DLEU7: variants seen among roughly 807,000 people sequenced by gnomAD.
The protein encoded by DLEU7 is leukemia-associated protein 7.
Under a neutral mutation model 16.0 loss-of-function variants are expected in DLEU7, and 17 were observed. That is an observed-to-expected ratio of 1.06 (90% CI 0.73 to 1.59). The LOEUF is 1.59. DLEU7 is among the 40% of genes most tolerant of loss of function. The pLI is 0.00. For missense variants in DLEU7, 308 were observed against 314.9 expected (o/e 0.98, Z 0.17); for synonymous variants, 113 against 139.8 (o/e 0.81, Z 1.35).
downstream of DLEU7, among the ~76,000 whole-genome samples, chr13:50,820,754 G>A (rs558930628): frequency 6.6e-6 from 1 of 152,160 alleles, no homozygotes; most frequent in South Asian, 2.1e-4. Flanking sequence ...GAAATATAAT[G>A]CAAACCATCC....
At chr13:50,753,739 C>A (rs960427225) in intron 1 of DLEU7, among the ~76,000 whole-genome samples, 1 of 152,218 alleles carries the variant, frequency 6.6e-6, no homozygotes, top group African/African-American at 2.4e-5. Flanking sequence ...TTGACCATCC[C>A]AGAAAGGGGC....
chr13:50,716,976 C>T (rs934361016), intron 1 of DLEU7, among the ~76,000 whole-genome samples: 1 of 152,118 alleles, frequency 6.6e-6, no homozygotes, highest in South Asian at 2.1e-4. Flanking sequence ...ACACATGACG[C>T]ATTTAATTTA....
chr13:50,803,195 A>G (rs1320689045), intron 1 of DLEU7, among the ~76,000 whole-genome samples: 1 of 152,132 alleles, frequency 6.6e-6, no homozygotes, highest in African/African-American at 2.4e-5. Context: ...ATTTCCCTCA[A>G]CTAAGATTGT....
At chr13:50,769,367 C>G in intron 1 of DLEU7, among the ~76,000 whole-genome samples, 1 of 152,186 alleles carries the variant, frequency 6.6e-6, no homozygotes, top group Non-Finnish European at 1.5e-5. Context: ...TTGCCCATGG[C>G]TCTGTCCTGA....
chr13:50,713,284 T>C, intron 1 of DLEU7: 3 of 1,588,114 alleles, frequency 1.9e-6, no homozygotes, highest in Non-Finnish European at 2.6e-6. Context: ...TGCTTTGCAT[T>C]TTTTATATTC....
intron 1 of DLEU7, among the ~76,000 whole-genome samples, chr13:50,767,346 C>A (rs570226546): frequency 6.6e-6 from 1 of 150,680 alleles, no homozygotes; most frequent in African/African-American, 2.4e-5. Context: ...GTCCCAGCTA[C>A]GCGGGAGGCT....
chr13:50,717,904 A>C (rs1873485076), intron 1 of DLEU7, among the ~76,000 whole-genome samples: 1 of 152,186 alleles, frequency 6.6e-6, no homozygotes, highest in South Asian at 2.1e-4. Flanking sequence ...AAACTATCAC[A>C]TGCAGAAATC....
exon 2 of DLEU7, chr13:50,713,203 T>C: frequency 6.2e-7 from 1 of 1,610,644 alleles, no homozygotes; most frequent in African/African-American, 1.3e-5. Flanking sequence ...CTCACACTCC[T>C]ACAGTGACCT....
At chr13:50,742,598 A>G (rs1874281711) in intron 1 of DLEU7, among the ~76,000 whole-genome samples, 1 of 152,134 alleles carries the variant, frequency 6.6e-6, no homozygotes, top group East Asian at 1.9e-4. Context: ...GACTGAAGAG[A>G]AACTCTCAAC....
At chr13:50,729,643 C>A (rs184442114) in intron 1 of DLEU7, among the ~76,000 whole-genome samples, 2 of 152,286 alleles carry the variant, frequency 1.3e-5, no homozygotes, top group East Asian at 1.9e-4. Flanking sequence ...ATTTATAATA[C>A]AGTGTGTAAG....
At chr13:50,814,722 T>G (rs1197329823) in intron 1 of DLEU7, among the ~76,000 whole-genome samples, 1 of 147,950 alleles carries the variant, frequency 6.8e-6, no homozygotes, top group Non-Finnish European at 1.5e-5. Context: ...TGAAAACTGA[T>G]GAAAACAGTT....
intron 1 of DLEU7, among the ~76,000 whole-genome samples, chr13:50,775,596 A>C (rs960683703): frequency 2.6e-5 from 4 of 152,224 alleles, no homozygotes; most frequent in Non-Finnish European, 5.9e-5. Context: ...ATATAGTCCC[A>C]AACTCCATAT....
chr13:50,804,590 T>G (rs1271523812), intron 1 of DLEU7, among the ~76,000 whole-genome samples: 1 of 151,952 alleles, frequency 6.6e-6, no homozygotes. Flanking sequence ...ACCACAGGCA[T>G]GCACCACCAC....
intron 1 of DLEU7, among the ~76,000 whole-genome samples, chr13:50,735,041 T>A (rs933396030): frequency 1.3e-5 from 2 of 152,094 alleles, no homozygotes; most frequent in Non-Finnish European, 2.9e-5. Context: ...GGACAAAGAA[T>A]AATGCCAAAG....
chr13:50,821,268 T>TGTGGCAC (rs1217827765), downstream of DLEU7, among the ~76,000 whole-genome samples: 1 of 150,484 alleles, frequency 6.6e-6, no homozygotes, highest in Non-Finnish European at 1.5e-5. Context: ...ACTGGTGGCA[T>TGTGGCAC]GTGGCACCAA....
At chr13:50,719,077 A>G (rs930574660) in intron 1 of DLEU7, among the ~76,000 whole-genome samples, 1 of 152,232 alleles carries the variant, frequency 6.6e-6, no homozygotes, top group Admixed American at 6.5e-5. Flanking sequence ...GACATCAGCA[A>G]TCAGCGGGTG....
intron 1 of DLEU7, among the ~76,000 whole-genome samples, chr13:50,780,680 G>T (rs951046042): frequency 1.3e-5 from 2 of 152,176 alleles, no homozygotes; most frequent in African/African-American, 2.4e-5. Flanking sequence ...AGTCCAAAAA[G>T]TAAAGTCATC....
chr13:50,736,301 T>C (rs941663694), intron 1 of DLEU7, among the ~76,000 whole-genome samples: 2 of 151,858 alleles, frequency 1.3e-5, no homozygotes, highest in Admixed American at 6.6e-5. Context: ...AGCTAAATAA[T>C]GAGAACACAT....
At chr13:50,798,782 A>G (rs955674764) in intron 1 of DLEU7, among the ~76,000 whole-genome samples, 1 of 152,108 alleles carries the variant, frequency 6.6e-6, no homozygotes, top group African/African-American at 2.4e-5. Flanking sequence ...CCTCGAGGAG[A>G]CTGTCAAAGC....
Sources: gnomAD v4.1 joint callset for allele counts (sites outside exome capture counted in the v4.1 genomes callset) on GRCh38, gnomAD v4.1.1 for gene constraint, MANE v1.5 for transcripts, NCBI Gene and HGNC (gene_info 2026-07-23, HGNC 2026-07-21) for gene names.